Variants in SMG7 observed in about 807,000 individuals in gnomAD.
SMG7 encodes nonsense-mediated mRNA decay factor SMG7.
SMG7 carries 34 observed loss-of-function variants against 148.2 expected under a neutral mutation model. The observed-to-expected ratio is 0.23, with a 90% confidence interval of 0.17 to 0.31. The LOEUF (loss-of-function observed/expected upper bound fraction) is 0.31. Among genes scored for constraint, SMG7 ranks in the 10% least tolerant of loss-of-function variants. SMG7 has a pLI of 1.00. For synonymous variants in SMG7, 492 were observed against 515.1 expected, an observed-to-expected ratio of 0.96 and a Z score of 0.61; for missense variants, 1,114 against 1,408.4, an observed-to-expected ratio of 0.79 and a Z score of 3.35.
chr1:183,533,554 TAGAA>T, intron 9 of SMG7, 118 bp from the exon 10 acceptor site: 1 of 956,614 alleles, frequency 1.0e-6, no homozygotes. Flanking sequence ...AGCGTCTTTT[TAGAA>T]AGAAGCTGTA....
At chr1:183,532,120 C>T (rs1423488165) in intron 8 of SMG7, among the ~76,000 whole-genome samples, 4 of 152,110 alleles carry the variant, frequency 2.6e-5, no homozygotes, top group Admixed American at 1.3e-4. Flanking sequence ...CTTACTATGG[C>T]TATTTCAGGT....
At chr1:183,486,574 C>A (rs1557952561) in intron 1 of SMG7, among the ~76,000 whole-genome samples, 1 of 152,102 alleles carries the variant, frequency 6.6e-6, no homozygotes, top group Non-Finnish European at 1.5e-5. Flanking sequence ...CCACGCCTGG[C>A]CGATTTTTGT....
chr1:183,539,306 C>T (rs548540265), intron 12 of SMG7, among the ~76,000 whole-genome samples: 1 of 152,072 alleles, frequency 6.6e-6, no homozygotes, highest in Non-Finnish European at 1.5e-5. Context: ...GCATTGAGTC[C>T]GTCGATTTCC....
intron 1 of SMG7, 155 bp downstream of exon 1, chr1:183,472,804 G>T: frequency 1.6e-6 from 1 of 623,360 alleles, no homozygotes; most frequent in Admixed American, 4.0e-5. Flanking sequence ...ATCTGCGGGA[G>T]GGGGCGGAAC....
intron 1 of SMG7, among the ~76,000 whole-genome samples, chr1:183,475,673 C>T (rs768966609): frequency 2.0e-5 from 3 of 152,054 alleles, no homozygotes; most frequent in Non-Finnish European, 4.4e-5. Flanking sequence ...GGACTTTGGT[C>T]CTGAATAAGG....
At chr1:183,537,066 G>C (rs1667920964) in intron 10 of SMG7, 79 bp from the exon 11 acceptor site, 2 of 977,232 alleles carry the variant, frequency 2.0e-6, no homozygotes, top group Non-Finnish European at 3.3e-6. Flanking sequence ...AGGACCTATA[G>C]ATACCATTTT....
intron 2 of SMG7, among the ~76,000 whole-genome samples, chr1:183,513,575 T>C (rs947179684): frequency 2.0e-5 from 3 of 152,088 alleles, no homozygotes; most frequent in African/African-American, 7.2e-5. Context: ...ATTCACCATG[T>C]TGGTCAGGCT....
At chr1:183,488,369 T>C (rs557040250) in intron 1 of SMG7, among the ~76,000 whole-genome samples, 3 of 152,332 alleles carry the variant, frequency 2.0e-5, no homozygotes, top group East Asian at 3.9e-4. Context: ...AGATCCAGTT[T>C]CTCAGATGGT....
chr1:183,480,554 T>C (rs1653817891), intron 1 of SMG7, among the ~76,000 whole-genome samples: 1 of 152,150 alleles, frequency 6.6e-6, no homozygotes, highest in Non-Finnish European at 1.5e-5. Flanking sequence ...GTATCTGTCC[T>C]TCTATCCATT....
chr1:183,488,251 C>T (rs1457708092), intron 1 of SMG7, among the ~76,000 whole-genome samples: 1 of 152,002 alleles, frequency 6.6e-6, no homozygotes, highest in Non-Finnish European at 1.5e-5. Context: ...CTCTTTCACT[C>T]CAGAAGGTTA....
At chr1:183,547,002 C>T (rs148434427) in intron 17 of SMG7, 101 bp from the exon 18 acceptor site, 24 of 1,143,838 alleles carry the variant, frequency 2.1e-5, no homozygotes, top group Middle Eastern at 4.2e-4. Context: ...ATCTCACTAT[C>T]CCCTTGACTT....
intron 2 of SMG7, 116 bp from the exon 3 acceptor site, chr1:183,515,758 A>G (rs989582160): frequency 1.1e-5 from 6 of 551,028 alleles, no homozygotes; most frequent in Non-Finnish European, 1.6e-5. Flanking sequence ...TATGGAATAT[A>G]TTTAGAGCAG....
chr1:183,474,509 A>G (rs563453970), intron 1 of SMG7, among the ~76,000 whole-genome samples: 1 of 152,364 alleles, frequency 6.6e-6, no homozygotes, highest in East Asian at 1.9e-4. Flanking sequence ...GGTTGCAGTG[A>G]GCCGAGATGG....
Position 183,553,189 on chromosome 1 carries a change from G to T in SMG7, c.*1258G>T. 1 of 1,535,610 alleles carries T rather than the reference G, an allele frequency of 6.5e-7. No individual in the cohort carries two copies. The highest frequency in any genetic ancestry group is 1.2e-5 in the South Asian group (1 of 84,022). ...GTCGTCCATTTTGGAAGAGACGAAA[G>T]AAAGGAAAATAAACTCTTTGTATGA... On this transcript the variant is annotated 3_prime_UTR_variant, in exon 23 of 23. Coordinates refer to ENST00000688051, the MANE Select transcript of SMG7 (RefSeq NM_001375584.1).
In SMG7 at chr1:183,517,752, C is replaced by T. The variant is rs1475173575; in HGVS notation, c.244C>T (p.Pro82Ser). The T allele has an allele frequency of 1.2e-6, 2 of 1,614,008 alleles. No homozygotes were observed. Among genetic ancestry groups the T allele is most frequent in the African/African-American group, 2.7e-5 (2 of 75,036 alleles). The change falls in exon 4 of 23, where the codon CCG becomes TCG. Residue 82 changes from proline to serine, a missense_variant. Coordinates refer to ENST00000688051, the MANE Select transcript of SMG7 (RefSeq NM_001375584.1). ...LQGQAKNRAN[P>S]NRSEVQANLS... ...AGGCCAGGCAAAGAATCGAGCAAAT[C>T]CGAATCGGAGTGAAGTTCAGGCAAA...
intron 1 of SMG7, among the ~76,000 whole-genome samples, chr1:183,500,716 G>A (rs1435775622): frequency 6.6e-6 from 1 of 152,004 alleles, no homozygotes; most frequent in African/African-American, 2.4e-5. Context: ...ATACAAGAAT[G>A]GGTTAACCAA....
chr1:183,488,481 C>T (rs1043423808), intron 1 of SMG7, among the ~76,000 whole-genome samples: 1 of 152,102 alleles, frequency 6.6e-6, no homozygotes, highest in Non-Finnish European at 1.5e-5. Context: ...TATAACTGTG[C>T]TGTCCAGTGT....
intron 1 of SMG7, among the ~76,000 whole-genome samples, chr1:183,485,592 T>C (rs1477257484): frequency 5.3e-5 from 8 of 152,226 alleles, no homozygotes; most frequent in African/African-American, 1.9e-4. Flanking sequence ...CACTGGGGAA[T>C]ATTGAGAACC....
chr1:183,495,080 G>T (rs1342489036), intron 1 of SMG7, among the ~76,000 whole-genome samples: 1 of 151,928 alleles, frequency 6.6e-6, no homozygotes, highest in Admixed American at 6.6e-5. Flanking sequence ...ATCCACCTCG[G>T]CCTCTCAAAG....
Sources: gnomAD v4.1 joint callset for allele counts (sites outside exome capture counted in the v4.1 genomes callset) on GRCh38, gnomAD v4.1.1 for gene constraint, MANE v1.5 for transcripts, NCBI Gene and HGNC (gene_info 2026-07-23, HGNC 2026-07-21) for gene names.